Variants in WWP1 observed in about 807,000 individuals in gnomAD.
WWP1 encodes the protein WW domain containing E3 ubiquitin protein ligase 1, also known as NEDD4-like E3 ubiquitin-protein ligase WWP1.
WWP1 carries 49 observed loss-of-function variants against 130.6 expected under a neutral mutation model. The ratio of observed to expected loss-of-function variants is 0.38; its 90% CI spans 0.30 to 0.48. The LOEUF (loss-of-function observed/expected upper bound fraction) is 0.48, where lower values mean the gene tolerates loss of function less well. WWP1 is among the 20% of genes least tolerant of loss of function. The probability of loss-of-function intolerance (pLI) is 0.99; values close to 1 mark genes in which losing one functional copy is unlikely to be tolerated. For synonymous variants in WWP1, 332 were observed against 367.8 expected (o/e 0.90, Z 1.11); for missense variants, 809 against 1,100.6 (o/e 0.74, Z 3.75).
intron 17 of WWP1, 174 bp from the exon 18 acceptor site, chr8:86,442,442 GTAA>G: frequency 2.2e-6 from 1 of 463,486 alleles, no homozygotes. Context: ...AAACTAGCAG[GTAA>G]CTTAAATGGA....
chr8:86,399,005 G>A (rs1807829037), intron 7 of WWP1, among the ~76,000 whole-genome samples: 1 of 152,056 alleles, frequency 6.6e-6, no homozygotes, highest in African/African-American at 2.4e-5. Flanking sequence ...TACTTTTTCT[G>A]TGTCTGTGGA....
At chr8:86,382,130 C>G (rs1825018464) in intron 5 of WWP1, among the ~76,000 whole-genome samples, 1 of 152,050 alleles carries the variant, frequency 6.6e-6, no homozygotes, top group South Asian at 2.1e-4. Flanking sequence ...TGGTCACTGT[C>G]CTTTTGTTTT....
chr8:86,349,739 AG>A (rs1452340936), intron 1 of WWP1, among the ~76,000 whole-genome samples: 1 of 151,864 alleles, frequency 6.6e-6, no homozygotes, highest in Non-Finnish European at 1.5e-5. Flanking sequence ...CCACCATAAT[AG>A]GGTAGGATTG....
intron 17 of WWP1, chr8:86,440,540 ACCTT>A: frequency 2.9e-6 from 1 of 350,522 alleles, no homozygotes; most frequent in Non-Finnish European, 5.5e-6. Context: ...CCTTGTAAGA[ACCTT>A]ATTTTTCCTC....
chr8:86,426,797 A>G (rs1390665956), intron 10 of WWP1, among the ~76,000 whole-genome samples: 1 of 152,212 alleles, frequency 6.6e-6, no homozygotes, highest in African/African-American at 2.4e-5. Context: ...CTCATTCTGA[A>G]CATGGGCATT....
chr8:86,361,963 A>AGTGTGT (rs376616908), intron 1 of WWP1, among the ~76,000 whole-genome samples: 5 of 134,030 alleles, frequency 3.7e-5, no homozygotes, highest in African/African-American at 1.3e-4. Context: ...AAATATGCCT[A>AGTGTGT]GTGTGTGTGT....
intron 14 of WWP1, among the ~76,000 whole-genome samples, chr8:86,432,380 G>A (rs534210977): frequency 6.6e-6 from 1 of 152,172 alleles, no homozygotes; most frequent in Admixed American, 6.5e-5. Flanking sequence ...TAGATGAACT[G>A]TCATTGTTAT....
rs1811234119 is a variant in WWP1 at position 86,452,618 on chromosome 8, A to G, written c.2333A>G (p.Asp778Gly). 6 of 1,613,312 alleles carry G rather than the reference A, an allele frequency of 3.7e-6. No individual in the cohort carries two copies. Among genetic ancestry groups the G allele is most frequent in the Non-Finnish European group, 5.1e-6 (6 of 1,179,620 alleles). Reference protein sequence around the residue: ...GVQEQTKAFLDGFNEVVPLQW... With the variant: ...GVQEQTKAFLGGFNEVVPLQW... ...CAAGAACAGACCAAAGCTTTCCTTG[A>G]TGGTTTTAATGAAGTTGTTCCTCTT... The change falls in exon 21 of 25, where the codon GAT becomes GGT. Residue 778 changes from aspartate to glycine, a missense_variant. By Grantham distance (94) the Asp-to-Gly change is moderately conservative (BLOSUM62 -1). Coordinates refer to ENST00000517970, the MANE Select transcript of WWP1 (RefSeq NM_007013.4).
At chr8:86,358,451 A>G (rs1192731169) in intron 1 of WWP1, among the ~76,000 whole-genome samples, 1 of 149,282 alleles carries the variant, frequency 6.7e-6, no homozygotes, top group Non-Finnish European at 1.5e-5. Flanking sequence ...GTATCTGTGT[A>G]TCTTCATTTA....
At chr8:86,359,162 C>G (rs1458419194) in intron 1 of WWP1, among the ~76,000 whole-genome samples, 1 of 152,134 alleles carries the variant, frequency 6.6e-6, no homozygotes, top group African/African-American at 2.4e-5. Context: ...AACTTTTCTT[C>G]TGGAGAATCA....
intron 3 of WWP1, among the ~76,000 whole-genome samples, chr8:86,379,871 T>C (rs1447639709): frequency 1.3e-5 from 2 of 152,196 alleles, no homozygotes; most frequent in African/African-American, 2.4e-5. Flanking sequence ...TGATCTTTAA[T>C]GCAGTTGTTG....
At chr8:86,432,633 C>CT (rs1165052544) in intron 14 of WWP1, among the ~76,000 whole-genome samples, 7 of 150,050 alleles carry the variant, frequency 4.7e-5, no homozygotes, top group African/African-American at 1.7e-4. Flanking sequence ...TTGAGACGGA[C>CT]TTTCGCTCCT....
At chr8:86,380,641 G>C in intron 3 of WWP1, 85 bp from the exon 4 acceptor site, 1 of 1,386,246 alleles carries the variant, frequency 7.2e-7, no homozygotes, top group East Asian at 2.5e-5. Context: ...TGCACAAGAA[G>C]CACAATTCCA....
intron 14 of WWP1, among the ~76,000 whole-genome samples, chr8:86,432,636 T>C (rs1810051635): frequency 1.3e-5 from 2 of 151,868 alleles, no homozygotes; most frequent in Non-Finnish European, 2.9e-5. Flanking sequence ...AGACGGACTT[T>C]CGCTCCTGTT....
intron 5 of WWP1, among the ~76,000 whole-genome samples, chr8:86,389,802 C>A (rs1402226201): frequency 2.0e-5 from 3 of 150,122 alleles, no homozygotes; most frequent in Non-Finnish European, 4.4e-5. Context: ...CCCCACCTCC[C>A]TCCCAGATGG....
intron 8 of WWP1, among the ~76,000 whole-genome samples, chr8:86,409,181 C>T (rs989649394): frequency 8.1e-5 from 12 of 148,994 alleles, no homozygotes; most frequent in Non-Finnish European, 1.3e-4. Context: ...TTGTGATCTT[C>T]CTTGTTTTGT....
chr8:86,402,149 C>G lies in WWP1; in HGVS notation c.670C>G (p.Pro224Ala). The G allele has an allele frequency of 6.2e-7, 1 of 1,613,966 alleles. No individual in the cohort carries two copies. Among genetic ancestry groups the G allele is most frequent in the Non-Finnish European group, 8.5e-7 (1 of 1,179,932 alleles). The change falls in exon 8 of 25, where the codon CCC becomes GCC. Residue 224 changes from proline (P) to alanine (A), a missense_variant. Around this residue, in one of 3 missense-constraint regions of WWP1, gnomAD observed 262 missense variants for 346.0 expected, o/e 0.76. Transcript: ENST00000517970. ...PSSPSQVAARPKNTPAPKPLA... is the reference protein window; with the variant it reads ...PSSPSQVAARAKNTPAPKPLA... ...ATCTCCGTCTCAGGTTGCTGCCAGA[C>G]CCAAAAATACACCAGCTCCAAAACC...
chr8:86,389,954 C>T (rs1273567413), intron 5 of WWP1, among the ~76,000 whole-genome samples: 2 of 151,120 alleles, frequency 1.3e-5, no homozygotes, highest in South Asian at 2.1e-4. Flanking sequence ...GGCTGCCAGG[C>T]GGAGGGGCTC....
chr8:86,422,148 C>T (rs1374858762), intron 9 of WWP1, among the ~76,000 whole-genome samples: 1 of 152,070 alleles, frequency 6.6e-6, no homozygotes, highest in African/African-American at 2.4e-5. Flanking sequence ...CATTTGTAAC[C>T]ATCACACAAG....
Sources: gnomAD v4.1 joint callset for allele counts (sites outside exome capture counted in the v4.1 genomes callset) on GRCh38, gnomAD v4.1.1 for gene constraint, gnomAD v4.1.1 regional missense constraint, MANE v1.5 for transcripts, NCBI Gene and HGNC (gene_info 2026-07-23, HGNC 2026-07-21) for gene names.